The following CSMD1 variants were observed in gnomAD, a reference collection of about 807,000 sequenced individuals.
The protein encoded by CSMD1 is CUB and sushi domain-containing protein 1.
Under a neutral mutation model 417.5 loss-of-function variants are expected in CSMD1, and 213 were observed. That is an observed-to-expected ratio of 0.51 (90% CI 0.46 to 0.57). The LOEUF is 0.57. Among genes scored for constraint, CSMD1 ranks in the 20% least tolerant of loss-of-function variants. The pLI, the probability that CSMD1 is intolerant of heterozygous loss-of-function variation, is 0.00. For missense variants in CSMD1, 6,923 were observed against 4,529.7 expected (o/e 1.53, Z -15.17); for synonymous variants, 2,862 against 1,736.8 (o/e 1.65, Z -16.11).
At chr8:3,001,606 T>C (rs1250835818) in intron 52 of CSMD1, among the ~76,000 whole-genome samples, 1 of 152,172 alleles carries the variant, frequency 6.6e-6, no homozygotes, top group Non-Finnish European at 1.5e-5. Context: ...AAAGAATATA[T>C]TAGAAAAACA....
At chr8:3,891,548 G>T (rs2627338) in intron 5 of CSMD1, among the ~76,000 whole-genome samples, 142,880 of 152,058 alleles carry the variant, frequency 0.94, 67,204 homozygotes, top group Middle Eastern at 0.98. Context: ...CCAATAGTGG[G>T]GGTGTACACC....
chr8:3,885,191 G>T (rs572280701), intron 5 of CSMD1, among the ~76,000 whole-genome samples: 1 of 152,052 alleles, frequency 6.6e-6, no homozygotes. Context: ...GACATTCACA[G>T]ATCAGAAAAG....
intron 5 of CSMD1, among the ~76,000 whole-genome samples, chr8:3,858,546 G>T (rs1184548232): frequency 6.6e-6 from 1 of 152,150 alleles, no homozygotes; most frequent in African/African-American, 2.4e-5. Context: ...AGAGCAAGGT[G>T]TTAACTGCAT....
chr8:3,017,445 T>C (rs539149068), intron 52 of CSMD1, among the ~76,000 whole-genome samples: 1 of 152,306 alleles, frequency 6.6e-6, no homozygotes, highest in Admixed American at 6.5e-5. Flanking sequence ...CAGACACATA[T>C]GCACACACTC....
intron 12 of CSMD1, among the ~76,000 whole-genome samples, chr8:3,421,601 A>C (rs1417623380): frequency 1.3e-5 from 2 of 152,308 alleles, no homozygotes; most frequent in African/African-American, 4.8e-5. Flanking sequence ...CCAAGATAAA[A>C]AAAATCCCCA....
intron 10 of CSMD1, among the ~76,000 whole-genome samples, chr8:3,507,317 C>G (rs953892692): frequency 1.3e-5 from 2 of 152,234 alleles, no homozygotes; most frequent in African/African-American, 2.4e-5. Flanking sequence ...ATCCATGTCC[C>G]TAAAAAGGAC....
At chr8:4,040,705 G>A (rs886112564) in intron 3 of CSMD1, among the ~76,000 whole-genome samples, 1 of 152,114 alleles carries the variant, frequency 6.6e-6, no homozygotes, top group African/African-American at 2.4e-5. Context: ...TCATATAATA[G>A]CAAAAACACT....
At chr8:3,574,582 G>A (rs1019720579) in intron 10 of CSMD1, among the ~76,000 whole-genome samples, 1 of 152,168 alleles carries the variant, frequency 6.6e-6, no homozygotes, top group Non-Finnish European at 1.5e-5. Flanking sequence ...TATAGTAGGA[G>A]CATTTCTAAC....
chr8:3,704,521 C>T (rs1801056590), intron 7 of CSMD1, among the ~76,000 whole-genome samples: 1 of 152,162 alleles, frequency 6.6e-6, no homozygotes, highest in South Asian at 2.1e-4. Flanking sequence ...AGAAAAGTGA[C>T]TCAAACAGCT....
At chr8:3,308,051 CAT>C (rs1382671095) in intron 24 of CSMD1, among the ~76,000 whole-genome samples, 2 of 141,548 alleles carry the variant, frequency 1.4e-5, no homozygotes, top group Non-Finnish European at 3.0e-5. Context: ...ATAAGACACT[CAT>C]GTGATAATTC....
Position 2,963,262 on chromosome 8 carries a change from T to G in CSMD1, c.9414A>C (p.Glu3138Asp). 1 of 1,613,938 alleles carries G rather than the reference T, an allele frequency of 6.2e-7. No individual in the cohort carries two copies. The highest frequency in any genetic ancestry group is 8.5e-7 in the Non-Finnish European group (1 of 1,179,868). Residue 3138 changes from glutamate to aspartate, a missense_variant, in exon 60 of 70, where the codon GAA (glutamate) becomes GAC (aspartate). Transcript: ENST00000635120. ...TCTCTCCTTTCCACACCCCGCGACC[T>G]TCACAGGAGAGGATGGCGGAGTGAG... Reference protein sequence around the residue: ...QLSHSAILSCEGRGVWKGEIP... With the variant: ...QLSHSAILSCDGRGVWKGEIP...
chr8:3,528,381 G>A (rs1023973709), intron 10 of CSMD1, among the ~76,000 whole-genome samples: 1 of 152,122 alleles, frequency 6.6e-6, no homozygotes, highest in African/African-American at 2.4e-5. Context: ...AAATATCTAA[G>A]AGCACTTGTC....
At chr8:2,952,201 A>G (rs531785044) in intron 65 of CSMD1, among the ~76,000 whole-genome samples, 159 of 152,310 alleles carry the variant, frequency 1.0e-3, no homozygotes, top group African/African-American at 3.8e-3. Flanking sequence ...ATTTAATTAG[A>G]TAAGATTCAT....
intron 5 of CSMD1, among the ~76,000 whole-genome samples, chr8:3,788,005 G>C (rs145761725): frequency 6.6e-6 from 1 of 152,278 alleles, no homozygotes; most frequent in East Asian, 1.9e-4. Context: ...TAGACCAAGA[G>C]TAAAAAAGAG....
intron 6 of CSMD1, among the ~76,000 whole-genome samples, chr8:3,740,279 T>G (rs1360213870): frequency 6.6e-6 from 1 of 152,156 alleles, no homozygotes; most frequent in African/African-American, 2.4e-5. Context: ...CGAATTTTTC[T>G]ATTTTTAGTA....
At position 4,648,350 on chromosome 8, in the gene CSMD1, C is replaced by G. The variant is rs1341305052; in HGVS notation, c.86-10792G>C. 1.3e-5 allele frequency among the ~76,000 whole-genome samples: 2 copies of G among 152,162 alleles called. 1 individual carries two copies. Among genetic ancestry groups the G allele is most frequent in the South Asian group, 4.2e-4 (2 of 4,818 alleles). On this transcript the variant is annotated intron_variant, in intron 1 of 69. Coordinates refer to ENST00000635120, the MANE Select transcript of CSMD1 (RefSeq NM_033225.6). The stretch of plus-strand genomic sequence containing the variant: ...GTCACTTAGGATATAATGACATGAT[C>G]CACATTCTCTGTGATCTACGGGATT...
At chr8:4,364,467 G>A (rs77093174) in intron 3 of CSMD1, among the ~76,000 whole-genome samples, 1 of 151,970 alleles carries the variant, frequency 6.6e-6, no homozygotes, top group African/African-American at 2.4e-5. Context: ...TCTATTTTTA[G>A]TAATACAATT....
intron 2 of CSMD1, among the ~76,000 whole-genome samples, chr8:4,429,500 T>A (rs1009679407): frequency 6.6e-6 from 1 of 152,248 alleles, no homozygotes; most frequent in African/African-American, 2.4e-5. Context: ...CAGATTAGCT[T>A]ATATAATTTG....
intron 1 of CSMD1, among the ~76,000 whole-genome samples, chr8:4,910,995 A>G (rs189456115): frequency 1.3e-5 from 2 of 152,080 alleles, no homozygotes; most frequent in African/African-American, 2.4e-5. Context: ...CATAAGGGGG[A>G]ATTTCCCTAC....
Sources: gnomAD v4.1 joint callset for allele counts (sites outside exome capture counted in the v4.1 genomes callset) on GRCh38, gnomAD v4.1.1 for gene constraint, MANE v1.5 for transcripts, NCBI Gene and HGNC (gene_info 2026-07-23, HGNC 2026-07-21) for gene names.